The following RBM23 variants were observed in gnomAD, a reference collection of about 807,000 sequenced individuals.
RBM23 encodes probable RNA-binding protein 23.
RBM23 carries 53 observed loss-of-function variants against 56.2 expected under a neutral mutation model. That is an observed-to-expected ratio of 0.94 (90% CI 0.76 to 1.19). RBM23 has a LOEUF of 1.19. Among genes scored for constraint, RBM23 ranks in the 50% most tolerant of loss-of-function variants. RBM23 has a pLI of 0.00. For synonymous variants in RBM23, 197 were observed against 198.5 expected (o/e 0.99, Z 0.06); for missense variants, 642 against 590.3 (o/e 1.09, Z -0.91).
chr14:22,902,226 C>A lies in RBM23; in HGVS notation c.1087G>T (p.Ala363Ser), dbSNP rs763537043. 3.1e-6 allele frequency: 5 copies of A among 1,614,106 alleles called. No homozygotes were observed. Among genetic ancestry groups the A allele is most frequent in the Non-Finnish European group, 4.2e-6 (5 of 1,180,052 alleles). ...GCCATGAGCTGAAAACGTCCACCTG[C>A]TGATCCCAGATCCAGCTCCTGGTCC... is the stretch of plus-strand genomic sequence containing the variant. Reference protein sequence around the residue: ...DGDQELDLGSAGGRFQLMAKL... With the variant: ...DGDQELDLGSSGGRFQLMAKL... Residue 363 changes from alanine to serine, a missense_variant, in exon 11 of 14, where the codon GCA (alanine) becomes TCA (serine). By Grantham distance (99) the Ala-to-Ser change is moderately conservative. Coordinates refer to ENST00000359890, the MANE Select transcript of RBM23 (RefSeq NM_001077351.2).
At chr14:22,913,376 T>G (rs1346674365) in intron 1 of RBM23, among the ~76,000 whole-genome samples, 2 of 144,340 alleles carry the variant, frequency 1.4e-5, no homozygotes, top group Non-Finnish European at 3.0e-5. Flanking sequence ...ATCGCGCCAC[T>G]GCACTCCAAC....
Position 22,905,894 on chromosome 14 carries a change from C to A in RBM23, c.402-235G>T. ...CTCCTTGTGTGGCTAGGATTACAGA[C>A]ACACATGACCATATCTAGCTCATTT... On this transcript the variant is annotated intron_variant, in intron 5 of 13. Transcript: ENST00000359890. 3 of 593,672 alleles carry A rather than the reference C, an allele frequency of 5.1e-6. No homozygotes were observed. In the South Asian group the frequency reaches 6.2e-5, roughly 12 times the overall value. The allele number at this position is 593,672 out of a possible 1,614,324, so 36.8% of individuals were successfully genotyped here.
chr14:22,918,047 G>A (rs897604989), intron 1 of RBM23, among the ~76,000 whole-genome samples: 1 of 152,250 alleles, frequency 6.6e-6, no homozygotes, highest in Non-Finnish European at 1.5e-5. Context: ...GGAACAATGA[G>A]AACGATAAAA....
At chr14:22,906,600 A>C (rs8016061) in intron 4 of RBM23, among the ~76,000 whole-genome samples, 1 of 152,062 alleles carries the variant, frequency 6.6e-6, no homozygotes, top group Non-Finnish European at 1.5e-5. Context: ...CAGCACATCC[A>C]ATTATGTACA....
chr14:22,918,376 A>G (rs34344888), intron 1 of RBM23, among the ~76,000 whole-genome samples: 85,769 of 151,490 alleles, frequency 0.57, 25,195 homozygotes, highest in East Asian at 0.79. Flanking sequence ...CTGGGTGACA[A>G]AGCGACACTC....
chr14:22,915,427 G>A (rs912551835), intron 1 of RBM23, among the ~76,000 whole-genome samples: 2 of 150,996 alleles, frequency 1.3e-5, no homozygotes, highest in Non-Finnish European at 2.9e-5. Flanking sequence ...TCGAACTCTC[G>A]ACCTCAGGTG....
At chr14:22,906,684 G>A (rs1335668397) in intron 4 of RBM23, among the ~76,000 whole-genome samples, 5 of 152,202 alleles carry the variant, frequency 3.3e-5, no homozygotes, top group South Asian at 2.1e-4. Flanking sequence ...GAAGGATGGC[G>A]GCTGTGGGTG....
chr14:22,906,985 C>T (rs2041684710), intron 4 of RBM23, among the ~76,000 whole-genome samples: 1 of 152,162 alleles, frequency 6.6e-6, no homozygotes, highest in South Asian at 2.1e-4. Flanking sequence ...ACCAGTCTGG[C>T]CAACATGGTG....
rs954620955 is a variant in RBM23, at chr14:22,900,755, G to A, written c.*975C>T. On this transcript the variant is annotated 3_prime_UTR_variant, in exon 14 of 14. Coordinates refer to ENST00000359890, the MANE Select transcript of RBM23 (RefSeq NM_001077351.2). ...AAATGGGCAACAGCTGCCACAAGGA[G>A]GAGGCTTGCCTTTTGTACAAAGTTT... 27 of 151,834 alleles carry A rather than the reference G, an allele frequency of 1.8e-4. No homozygotes were observed. The highest frequency in any genetic ancestry group is 1.7e-3 in the Admixed American group (26 of 15,236). 9.4% of individuals were successfully genotyped at this position (151,834 alleles called of 1,614,324 possible). A position where few individuals can be genotyped will look rare whatever the true frequency, so the allele number is the denominator to read the frequency against.
intron 1 of RBM23, chr14:22,917,267 T>C (rs565132249): frequency 3.7e-4 from 56 of 152,328 alleles, no homozygotes; most frequent in African/African-American, 1.3e-3. Flanking sequence ...ATCTGCTTTT[T>C]CCCCTCCAAA....
chr14:22,915,451 G>A (rs1411940997), intron 1 of RBM23, among the ~76,000 whole-genome samples: 5 of 150,004 alleles, frequency 3.3e-5, no homozygotes, highest in African/African-American at 9.8e-5. Flanking sequence ...CGACCGCCTC[G>A]CCCTCCCAAA....
chr14:22,895,186 C>G lies in RBM23; in HGVS notation c.*6544G>C, dbSNP rs1176260134. On this transcript the variant is annotated 3_prime_UTR_variant, in exon 14 of 14. Transcript: ENST00000359890. Reference sequence around the variant, plus strand: ...ACCAGCCTGACCAACATGGAGAAACCCTGTCTCCACTAAAAATACAAAATT... The same window carrying G: ...ACCAGCCTGACCAACATGGAGAAACGCTGTCTCCACTAAAAATACAAAATT... 1 of 151,820 alleles carries G rather than the reference C, an allele frequency of 6.6e-6. No homozygotes were observed. Among genetic ancestry groups the G allele is most frequent in the South Asian group, 2.1e-4 (1 of 4,800 alleles). The allele number at this position is 151,820 out of a possible 1,614,324, so 9.4% of individuals were successfully genotyped here.
chr14:22,905,066 T>C (rs1184716637), intron 8 of RBM23, 28 bp downstream of exon 8: 1 of 1,613,910 alleles, frequency 6.2e-7, no homozygotes, highest in Non-Finnish European at 8.5e-7. Context: ...CCCCTTAAAA[T>C]CTTATGTCTG....
intron 1 of RBM23, among the ~76,000 whole-genome samples, chr14:22,912,525 A>G (rs1397601493): frequency 6.6e-6 from 1 of 152,192 alleles, no homozygotes; most frequent in Non-Finnish European, 1.5e-5. Context: ...TCAAATAAGA[A>G]AAACAGAAAA....
chr14:22,899,104 A>G lies in RBM23; in HGVS notation c.*2626T>C, dbSNP rs1039077683. 1.3e-5 allele frequency: 2 copies of G among 152,180 alleles called. No homozygotes were observed. The highest frequency in any genetic ancestry group is 3.9e-4 in the East Asian group (2 of 5,194). 9.4% of individuals were successfully genotyped at this position (152,180 alleles called of 1,614,324 possible). On this transcript the variant is annotated 3_prime_UTR_variant, in exon 14 of 14. Coordinates refer to ENST00000359890, the MANE Select transcript of RBM23 (RefSeq NM_001077351.2). Reference sequence around the variant, plus strand: ...CTGTGGTTTGAATGTGTCCCCCAAAAGTTCACATTGGAAATTTGACTCCCA... The same window carrying G: ...CTGTGGTTTGAATGTGTCCCCCAAAGGTTCACATTGGAAATTTGACTCCCA...
In RBM23 at chr14:22,900,803, A is replaced by C. The variant is rs1273305667; in HGVS notation, c.*927T>G. 1 of 151,924 alleles carries C rather than the reference A, an allele frequency of 6.6e-6. No individual in the cohort carries two copies. The highest frequency in any genetic ancestry group is 1.5e-5 in the Non-Finnish European group (1 of 68,008). The allele number at this position is 151,924 out of a possible 1,614,324, so 9.4% of individuals were successfully genotyped here. On this transcript the variant is annotated 3_prime_UTR_variant, in exon 14 of 14. Coordinates refer to ENST00000359890, the MANE Select transcript of RBM23 (RefSeq NM_001077351.2). ...TTTTTATGTATATATATATGTATAT[A>C]TATTTATGTACACAGACACAAGGGT...
intron 3 of RBM23, among the ~76,000 whole-genome samples, chr14:22,908,946 ATT>A (rs397852290): frequency 4.9e-5 from 7 of 141,482 alleles, no homozygotes; most frequent in Admixed American, 7.1e-5. Flanking sequence ...TCCTCTTGCT[ATT>A]TTTTTTTTTT....
chr14:22,909,665 G>C, intron 2 of RBM23, 70 bp from the exon 3 acceptor site: 2 of 1,135,524 alleles, frequency 1.8e-6, no homozygotes, highest in African/African-American at 1.5e-5. Context: ...TGGGCAAAGG[G>C]AACAAAGGTG....
chr14:22,901,689 G>A lies in RBM23; in HGVS notation c.*41C>T. The A allele has an allele frequency of 2.5e-6, 4 of 1,605,552 alleles. No individual in the cohort carries two copies. The highest frequency in any genetic ancestry group is 3.4e-6 in the Non-Finnish European group (4 of 1,172,236). On this transcript the variant is annotated 3_prime_UTR_variant, in exon 14 of 14. Transcript: ENST00000359890. Reference sequence around the variant, plus strand: ...ATGGAAGAGTAGATGTGAAGTGGCAGGATCCAGAGGCACAAGGAGGCAGTA... The same window carrying A: ...ATGGAAGAGTAGATGTGAAGTGGCAAGATCCAGAGGCACAAGGAGGCAGTA...
Sources: allele counts gnomAD v4.1 joint callset (sites outside exome capture counted in the v4.1 genomes callset), GRCh38; gene constraint gnomAD v4.1.1; transcripts MANE v1.5; gene names NCBI Gene and HGNC (gene_info 2026-07-23, HGNC 2026-07-21).